The following RHAG variants were observed in gnomAD, a reference collection of about 807,000 sequenced individuals.
RHAG encodes Rh associated glycoprotein.
RHAG carries 25 observed loss-of-function variants against 42.4 expected under a neutral mutation model. That is an observed-to-expected ratio of 0.59 (90% confidence interval 0.43 to 0.82). RHAG has a LOEUF of 0.82. Among genes scored for constraint, RHAG ranks in the 40% least tolerant of loss-of-function variants. The pLI is 0.00. For synonymous variants in RHAG, 182 were observed against 177.7 expected (o/e 1.02, Z -0.19); for missense variants, 483 against 504.6 (o/e 0.96, Z 0.41).
intron 9 of RHAG, among the ~76,000 whole-genome samples, chr6:49,606,444 G>T (rs1774165362): frequency 1.3e-5 from 2 of 151,886 alleles, no homozygotes; most frequent in Admixed American, 1.3e-4. Flanking sequence ...CTTTCTGTCT[G>T]TCTTTCTTTC....
chr6:49,607,265 A>G, intron 7 of RHAG, 45 bp from the exon 8 acceptor site: 1 of 1,502,146 alleles, frequency 6.7e-7, no homozygotes, highest in Non-Finnish European at 9.2e-7. Flanking sequence ...CCTGGATCTC[A>G]GCCAAAGAAA....
intron 7 of RHAG, among the ~76,000 whole-genome samples, chr6:49,609,243 C>T (rs531192388): frequency 2.0e-5 from 3 of 152,082 alleles, no homozygotes; most frequent in Middle Eastern, 3.4e-3. Context: ...TCTGATATTC[C>T]TCTGCCTCCT....
Position 49,619,368 on chromosome 6 carries a change from A to G in RHAG, c.158-6T>C. On this transcript the variant is annotated splice_polypyrimidine_tract_variant and splice_region_variant and intron_variant, in intron 1 of 9. Transcript: ENST00000371175. ...AACATGTACATCTTGGAACACTGGAAAAGAGGAAAGGAAAAAATATCTGCA... is the reference window on the plus strand; with the variant it reads ...AACATGTACATCTTGGAACACTGGAGAAGAGGAAAGGAAAAAATATCTGCA... 1 of 1,612,542 alleles carries G rather than the reference A, an allele frequency of 6.2e-7. No homozygotes were observed. Among genetic ancestry groups the G allele is most frequent in the South Asian group, 1.1e-5 (1 of 90,842 alleles).
chr6:49,621,592 C>CTTAT, intron 1 of RHAG, among the ~76,000 whole-genome samples: 1 of 152,164 alleles, frequency 6.6e-6, no homozygotes, highest in Non-Finnish European at 1.5e-5. Context: ...TAATATCAAC[C>CTTAT]TGTTTCCCTT....
intron 6 of RHAG, among the ~76,000 whole-genome samples, chr6:49,611,740 CT>C (rs796656135): frequency 0.012 from 1,695 of 143,502 alleles, 17 homozygotes; most frequent in African/African-American, 0.036. Flanking sequence ...CTAAATCTCT[CT>C]TTTTTTTTTT....
chr6:49,629,424 C>T (rs142434821), intron 1 of RHAG, among the ~76,000 whole-genome samples: 1,909 of 152,282 alleles, frequency 0.013, 26 homozygotes, highest in African/African-American at 0.041. Context: ...ATTTACAATC[C>T]CTGAGCTAGA....
At chr6:49,618,348 T>A in intron 2 of RHAG, 130 bp from the exon 3 acceptor site, 1 of 899,470 alleles carries the variant, frequency 1.1e-6, no homozygotes. Context: ...ACTTCCTTAT[T>A]CCTCCTCTTT....
At chr6:49,634,022 G>C (rs1305529670) in intron 1 of RHAG, among the ~76,000 whole-genome samples, 1 of 152,000 alleles carries the variant, frequency 6.6e-6, no homozygotes, top group Non-Finnish European at 1.5e-5. Context: ...ACATTTATGG[G>C]ATACATGTGG....
At chr6:49,636,336 C>T (rs532053159) in intron 1 of RHAG, among the ~76,000 whole-genome samples, 5 of 152,182 alleles carry the variant, frequency 3.3e-5, no homozygotes, top group South Asian at 2.1e-4. Context: ...GCAAAGGAAG[C>T]GTGATACTTT....
chr6:49,611,993 C>A (rs1762577127), intron 6 of RHAG, among the ~76,000 whole-genome samples: 3 of 151,950 alleles, frequency 2.0e-5, no homozygotes, highest in African/African-American at 7.3e-5. Context: ...AGGTGATCTG[C>A]CTGCCTCAGC....
At chr6:49,626,995 G>A (rs1428837860) in intron 1 of RHAG, among the ~76,000 whole-genome samples, 4 of 152,226 alleles carry the variant, frequency 2.6e-5, no homozygotes, top group Non-Finnish European at 4.4e-5. Flanking sequence ...ATAGAGCAGG[G>A]AAGCCCTGGG....
At chr6:49,623,132 C>T (rs1762792004) in intron 1 of RHAG, among the ~76,000 whole-genome samples, 1 of 152,214 alleles carries the variant, frequency 6.6e-6, no homozygotes, top group South Asian at 2.1e-4. Flanking sequence ...GCCACCGCGC[C>T]CGGCCATTGA....
intron 1 of RHAG, among the ~76,000 whole-genome samples, chr6:49,626,987 A>G (rs1762854231): frequency 6.6e-6 from 1 of 152,228 alleles, no homozygotes; most frequent in East Asian, 1.9e-4. Context: ...GAGGTTGCAT[A>G]GAGCAGGGAA....
At chr6:49,606,670 A>G (rs1774169110) in intron 9 of RHAG, 178 bp downstream of exon 9, 1 of 599,782 alleles carries the variant, frequency 1.7e-6, no homozygotes. Context: ...TCCTGGCATC[A>G]AACAATCCTC....
intron 7 of RHAG, among the ~76,000 whole-genome samples, chr6:49,608,613 A>G (rs1162220381): frequency 6.6e-6 from 1 of 152,070 alleles, no homozygotes; most frequent in Non-Finnish European, 1.5e-5. Flanking sequence ...CTGACCTCAG[A>G]TGATCCACCT....
At chr6:49,626,689 A>G (rs1562018556) in intron 1 of RHAG, among the ~76,000 whole-genome samples, 1 of 152,130 alleles carries the variant, frequency 6.6e-6, no homozygotes, top group Non-Finnish European at 1.5e-5. Flanking sequence ...TTGGGCTTGC[A>G]CCCCACATTT....
chr6:49,630,640 AATAAACACTTAC>A (rs1762921870), intron 1 of RHAG, among the ~76,000 whole-genome samples: 1 of 152,208 alleles, frequency 6.6e-6, no homozygotes, highest in Admixed American at 6.5e-5. Flanking sequence ...AAGAGAATAC[AATAAACACTTAC>A]ATACTATTCA....
chr6:49,619,483 A>G lies in RHAG; in HGVS notation c.158-121T>C. The stretch of plus-strand genomic sequence containing the variant: ...GTATAACACACTAGGAAAAGAGAGC[A>G]TTTAACTGGGAAGCAAAAGTCTTGT... On this transcript the variant is annotated intron_variant, in intron 1 of 9. Coordinates refer to ENST00000371175, the MANE Select transcript of RHAG (RefSeq NM_000324.3). The G allele has an allele frequency of 3.1e-6, 3 of 957,038 alleles. 1 individual carries two copies. In the South Asian group the frequency reaches 4.2e-5, roughly 13 times the overall value. The allele number at this position is 957,038 out of a possible 1,614,324, so 59.3% of individuals were successfully genotyped here. A position where few individuals can be genotyped will look rare whatever the true frequency, so the allele number is the denominator to read the frequency against.
intron 5 of RHAG, among the ~76,000 whole-genome samples, chr6:49,614,182 T>C (rs1313388182): frequency 6.7e-6 from 1 of 148,194 alleles, no homozygotes; most frequent in Admixed American, 6.7e-5. Context: ...AGGACAAAAA[T>C]TTTTTTTTTC....
Sources: gnomAD v4.1 joint callset for allele counts (sites outside exome capture counted in the v4.1 genomes callset) on GRCh38, gnomAD v4.1.1 for gene constraint, MANE v1.5 for transcripts, NCBI Gene and HGNC (gene_info 2026-07-23, HGNC 2026-07-21) for gene names.